ACER2: variants seen among roughly 807,000 people sequenced by gnomAD.
The protein encoded by ACER2 is alkCDase 2.
ACER2 carries 26 observed loss-of-function variants against 34.7 expected under a neutral mutation model. The observed-to-expected ratio is 0.75, with a 90% confidence interval of 0.55 to 1.04. The LOEUF (loss-of-function observed/expected upper bound fraction) is 1.04. Among genes scored for constraint, ACER2 ranks in the 50% least tolerant of loss-of-function variants. ACER2 has a pLI of 0.00. For synonymous variants in ACER2, 138 were observed against 132.1 expected (o/e 1.04, Z -0.31); for missense variants, 352 against 340.8 (o/e 1.03, Z -0.26).
intron 4 of ACER2, among the ~76,000 whole-genome samples, chr9:19,438,615 TC>T (rs370864428): frequency 2.7e-4 from 41 of 152,356 alleles, no homozygotes; most frequent in African/African-American, 9.4e-4. Context: ...TAGCATGCAG[TC>T]CAGTGATGCT....
intron 1 of ACER2, among the ~76,000 whole-genome samples, chr9:19,418,809 G>A (rs959172079): frequency 1.3e-5 from 2 of 152,064 alleles, no homozygotes; most frequent in Non-Finnish European, 2.9e-5. Context: ...AAACCTGCAC[G>A]TTCTGCACAT....
chr9:19,435,595 T>A (rs1830937657), intron 4 of ACER2, among the ~76,000 whole-genome samples: 1 of 152,144 alleles, frequency 6.6e-6, no homozygotes, highest in Admixed American at 6.5e-5. Flanking sequence ...TGTACTCAAA[T>A]GCAAAAATCA....
At chr9:19,445,030 A>C (rs1831307468) in intron 4 of ACER2, among the ~76,000 whole-genome samples, 1 of 152,236 alleles carries the variant, frequency 6.6e-6, no homozygotes, top group South Asian at 2.1e-4. Flanking sequence ...CTGTGGGTTC[A>C]ACAAAGAGGA....
chr9:19,409,821 T>C (rs1204549935), intron 1 of ACER2: 2 of 985,294 alleles, frequency 2.0e-6, no homozygotes, highest in East Asian at 2.3e-4. Flanking sequence ...AGGACTGTGC[T>C]TTCTCCAGTT....
intron 1 of ACER2, among the ~76,000 whole-genome samples, chr9:19,411,036 C>T (rs1830071930): frequency 6.6e-6 from 1 of 152,026 alleles, no homozygotes; most frequent in African/African-American, 2.4e-5. Context: ...TTATTTTGGC[C>T]AAAAAAGCTA....
chr9:19,417,840 A>T (rs560372341), intron 1 of ACER2, among the ~76,000 whole-genome samples: 1 of 152,332 alleles, frequency 6.6e-6, no homozygotes, highest in Admixed American at 6.5e-5. Flanking sequence ...ATGGGAACAA[A>T]AGCCAAAATT....
At chr9:19,434,762 C>G (rs963545885) in intron 3 of ACER2, among the ~76,000 whole-genome samples, 185 bp from the exon 4 acceptor site, 34 of 139,918 alleles carry the variant, frequency 2.4e-4, no homozygotes, top group Non-Finnish European at 3.3e-4. Flanking sequence ...GGGAGACCCT[C>G]TCTTTTTTTT....
chr9:19,430,715 TG>T (rs1360911180), intron 3 of ACER2, among the ~76,000 whole-genome samples: 3 of 152,130 alleles, frequency 2.0e-5, no homozygotes, highest in Admixed American at 2.0e-4. Flanking sequence ...CTCAGCACTT[TG>T]GGAGGCTGAG....
chr9:19,409,239 G>A (rs1374152205), intron 1 of ACER2, 47 bp downstream of exon 1: 4 of 1,522,298 alleles, frequency 2.6e-6, no homozygotes, highest in Non-Finnish European at 8.9e-7. Flanking sequence ...GCGGGAGGGG[G>A]CTGTTCCCGC....
At chr9:19,417,213 G>A (rs1817366695) in intron 1 of ACER2, among the ~76,000 whole-genome samples, 1 of 152,156 alleles carries the variant, frequency 6.6e-6, no homozygotes, top group Admixed American at 6.5e-5. Flanking sequence ...ACTGCTCAAG[G>A]AAATAATAGA....
intron 3 of ACER2, 63 bp from the exon 4 acceptor site, chr9:19,434,884 T>TAAAC (rs953967566): frequency 8.3e-5 from 133 of 1,596,782 alleles, no homozygotes; most frequent in East Asian, 6.5e-4. Context: ...TTGCTAACAT[T>TAAAC]AAACAAACAA....
intron 1 of ACER2, among the ~76,000 whole-genome samples, chr9:19,416,179 G>A (rs774071082): frequency 6.6e-6 from 1 of 151,078 alleles, no homozygotes; most frequent in African/African-American, 2.4e-5. Flanking sequence ...CCCTTGATCC[G>A]CCTTCATCTG....
chr9:19,415,881 G>A (rs1319197243), intron 1 of ACER2, among the ~76,000 whole-genome samples: 1 of 152,090 alleles, frequency 6.6e-6, no homozygotes, highest in Non-Finnish European at 1.5e-5. Flanking sequence ...CAGCAAGTGA[G>A]CTAAATCTTT....
chr9:19,410,927 A>G (rs568053018), intron 1 of ACER2, among the ~76,000 whole-genome samples: 1 of 152,350 alleles, frequency 6.6e-6, no homozygotes, highest in South Asian at 2.1e-4. Flanking sequence ...GGATTTCACC[A>G]GAGTTCAAGA....
At chr9:19,440,936 T>C (rs1448419962) in intron 4 of ACER2, among the ~76,000 whole-genome samples, 3 of 152,226 alleles carry the variant, frequency 2.0e-5, no homozygotes, top group Admixed American at 6.5e-5. Flanking sequence ...CTTCATCATA[T>C]TTCAAGTTGC....
intron 1 of ACER2, among the ~76,000 whole-genome samples, chr9:19,412,223 T>C (rs2049570071): frequency 6.6e-6 from 1 of 152,362 alleles, no homozygotes; most frequent in African/African-American, 2.4e-5. Context: ...GTAAAATTAC[T>C]GTTTATTGTA....
In ACER2 at chr9:19,434,989, G is replaced by C; in HGVS notation, c.408G>C (p.Thr136=). The change falls in exon 4 of 6, where the codon ACG becomes ACC. Residue 136 remains threonine (T), a synonymous_variant. Coordinates refer to ENST00000340967, the MANE Select transcript of ACER2 (RefSeq NM_001010887.3). ...KVVVSVLSAV[T]TCLAFVKPAI... is the part of the protein sequence containing the mutation. ...TGGTCAGTGTCCTGTCTGCGGTTAC[G>C]ACGTGCCTGGCATTTGTCAAGCCTG... 1 of 1,614,104 alleles carries C rather than the reference G, an allele frequency of 6.2e-7. No homozygotes were observed. The highest frequency in any genetic ancestry group is 8.5e-7 in the Non-Finnish European group (1 of 1,180,026).
At chr9:19,443,075 G>A (rs1831211202) in intron 4 of ACER2, among the ~76,000 whole-genome samples, 1 of 152,084 alleles carries the variant, frequency 6.6e-6, no homozygotes. Context: ...CAGTCGCCCA[G>A]GCTGGAGTGC....
At chr9:19,433,869 T>C (rs868694742) in intron 3 of ACER2, among the ~76,000 whole-genome samples, 1,935 of 131,098 alleles carry the variant, frequency 0.015, 39 homozygotes, top group African/African-American at 0.054. Flanking sequence ...CGGGCAGAGG[T>C]GCCCCTCACC....
Sources: gnomAD v4.1 joint callset for allele counts (sites outside exome capture counted in the v4.1 genomes callset) on GRCh38, gnomAD v4.1.1 for gene constraint, MANE v1.5 for transcripts, NCBI Gene and HGNC (gene_info 2026-07-23, HGNC 2026-07-21) for gene names.